The following MBD5 variants were observed in gnomAD, a reference collection of about 807,000 sequenced individuals.
The protein encoded by MBD5 is methyl-CpG binding domain protein 5.
MBD5 carries 13 observed loss-of-function variants against 117.3 expected under a neutral mutation model. The observed-to-expected ratio is 0.11, with a 90% CI of 0.07 to 0.18. The LOEUF (loss-of-function observed/expected upper bound fraction) is 0.18. Among genes scored for constraint, MBD5 ranks in the 10% least tolerant of loss-of-function variants. The pLI, the probability that MBD5 is intolerant of heterozygous loss-of-function variation, is 1.00. For missense variants in MBD5, 1,879 were observed against 2,093.8 expected (o/e 0.90, Z 2.00); for synonymous variants, 727 against 766.4 (o/e 0.95, Z 0.85).
At position 148,021,498 on chromosome 2, in the gene MBD5, A is replaced by ACTGCTGCTGCTGCTGCTGCTACTGCTG; in HGVS notation, c.-1097_-1096insGCTGCTACTGCTGCTGCTGCTGCTGCT. On this transcript the variant is annotated 5_prime_UTR_variant, in exon 1 of 14. Coordinates refer to ENST00000642680, the MANE Select transcript of MBD5 (RefSeq NM_001378120.1). The stretch of plus-strand genomic sequence containing the variant: ...TGCTGCTGTTGCTGCTGCTGCTGCT[A>ACTGCTGCTGCTGCTGCTGCTACTGCTG]CTGCTGCTGCTGCTACTGCTGCTGC... 1 of 569,670 alleles carries ACTGCTGCTGCTGCTGCTGCTACTGCTG rather than the reference A, an allele frequency of 1.8e-6. No individual in the cohort carries two copies. Among genetic ancestry groups the ACTGCTGCTGCTGCTGCTGCTACTGCTG allele is most frequent in the South Asian group, 1.5e-5 (1 of 65,442 alleles). 35.3% of individuals were successfully genotyped at this position (569,670 alleles called of 1,614,324 possible). A position where few individuals can be genotyped will look rare whatever the true frequency, so the allele number is the denominator to read the frequency against.
chr2:148,312,401 A>T (rs1161146558), intron 3 of MBD5, among the ~76,000 whole-genome samples: 1 of 151,794 alleles, frequency 6.6e-6, no homozygotes, highest in Non-Finnish European at 1.5e-5. Flanking sequence ...CATTAAGTTG[A>T]TCTTCAATCT....
At chr2:148,231,546 C>CTT (rs34002489) in intron 2 of MBD5, among the ~76,000 whole-genome samples, 6 of 151,618 alleles carry the variant, frequency 4.0e-5, no homozygotes, top group Non-Finnish European at 7.4e-5. Flanking sequence ...TATGAAGGTG[C>CTT]TTTTTTTTGT....
intron 3 of MBD5, among the ~76,000 whole-genome samples, chr2:148,309,288 G>A (rs756490223): frequency 1.8e-4 from 27 of 152,014 alleles, no homozygotes; most frequent in African/African-American, 6.0e-4. Flanking sequence ...ATCCATGAAC[G>A]TGGAATGCTT....
At chr2:148,397,496 A>G (rs1553510216) in intron 4 of MBD5, among the ~76,000 whole-genome samples, 2 of 151,570 alleles carry the variant, frequency 1.3e-5, no homozygotes, top group Non-Finnish European at 2.9e-5. Context: ...CGCCCGGCTA[A>G]TTTTTTTATT....
chr2:148,125,512 A>G (rs1321884786), intron 1 of MBD5, among the ~76,000 whole-genome samples: 2 of 152,228 alleles, frequency 1.3e-5, no homozygotes, highest in Admixed American at 1.3e-4. Context: ...AAATATGATC[A>G]TAACAAACAT....
chr2:148,070,141 T>C (rs1695311475), intron 1 of MBD5, among the ~76,000 whole-genome samples: 2 of 152,212 alleles, frequency 1.3e-5, no homozygotes, highest in South Asian at 4.1e-4. Context: ...ACTATCATTC[T>C]ACTCTCTACC....
chr2:148,315,769 C>T (rs997202036), intron 3 of MBD5, among the ~76,000 whole-genome samples: 2 of 152,108 alleles, frequency 1.3e-5, no homozygotes, highest in African/African-American at 4.8e-5. Flanking sequence ...TAATGTATAC[C>T]ACCCATGTAT....
At position 148,365,845 on chromosome 2, in the gene MBD5, C is replaced by T. The variant is rs200748015; in HGVS notation, c.-557+23509C>T. Among the ~76,000 whole-genome samples, 5 of 146,460 alleles carry T rather than the reference C, an allele frequency of 3.4e-5. No homozygotes were observed. In the East Asian group the frequency reaches 9.9e-4, roughly 29 times the overall value. On this transcript the variant is annotated intron_variant, in intron 4 of 13. Transcript: ENST00000642680. ...GTTGAGACAGTAATTAACACTCTAC[C>T]AAAAAAAAAACCCCAGACCAGATGG... is the stretch of plus-strand genomic sequence containing the variant.
rs746698199 is a variant in MBD5 at position 148,470,091 on chromosome 2, T to C, written c.2148T>C (p.Ser716=). ...TGAGTTGTCAAAGCTCTCACTTGAG[T>C]AGCAATAGTACCCCGGGTTGTGGGG... ...QSMSCQSSHL[S]SNSTPGCGAS... is the part of the protein sequence containing the mutation. Residue 716 remains serine (S), a synonymous_variant, in exon 8 of 14, where the codon AGT becomes AGC. Transcript: ENST00000642680. 4.2e-5 allele frequency: 68 copies of C among 1,613,748 alleles called. No homozygotes were observed. The highest frequency in any genetic ancestry group is 5.1e-5 in the Non-Finnish European group (60 of 1,179,900).
chr2:148,445,535 A>C (rs1310363828), intron 4 of MBD5, among the ~76,000 whole-genome samples: 2 of 151,300 alleles, frequency 1.3e-5, no homozygotes, highest in East Asian at 3.9e-4. Flanking sequence ...CCAGTCTATC[A>C]TTGTTGGACA....
chr2:148,244,490 T>G (rs1293109136), intron 3 of MBD5: 1 of 152,228 alleles, frequency 6.6e-6, no homozygotes, highest in Non-Finnish European at 1.5e-5. Context: ...GTTTTTTTAA[T>G]TAAGGAAATA....
intron 1 of MBD5, among the ~76,000 whole-genome samples, chr2:148,147,477 A>G (rs1697497554): frequency 1.3e-5 from 2 of 152,030 alleles, no homozygotes; most frequent in East Asian, 3.9e-4. Context: ...CCTGAGCTCA[A>G]GTGATCCCCA....
intron 3 of MBD5, among the ~76,000 whole-genome samples, chr2:148,249,433 A>C (rs1359179661): frequency 1.3e-5 from 2 of 152,162 alleles, no homozygotes; most frequent in Non-Finnish European, 2.9e-5. Flanking sequence ...AAATAATTAA[A>C]AGGAAAATTT....
chr2:148,497,181 A>C (rs1023341167), intron 11 of MBD5, among the ~76,000 whole-genome samples: 1 of 152,010 alleles, frequency 6.6e-6, no homozygotes, highest in Non-Finnish European at 1.5e-5. Context: ...CATATTACAT[A>C]TATTATTATT....
intron 1 of MBD5, among the ~76,000 whole-genome samples, chr2:148,120,061 C>T (rs1349334718): frequency 5.3e-5 from 8 of 152,018 alleles, no homozygotes; most frequent in Non-Finnish European, 1.0e-4. Flanking sequence ...GGACTACAGG[C>T]GCACGCCACC....
At chr2:148,059,445 A>T (rs1028262747) in intron 1 of MBD5, among the ~76,000 whole-genome samples, 1 of 152,240 alleles carries the variant, frequency 6.6e-6, no homozygotes, top group East Asian at 1.9e-4. Flanking sequence ...ACCTTAATGC[A>T]TTAGTTTATT....
chr2:148,081,174 A>G (rs1695638709), intron 1 of MBD5, among the ~76,000 whole-genome samples: 1 of 152,200 alleles, frequency 6.6e-6, no homozygotes, highest in Non-Finnish European at 1.5e-5. Context: ...TTAATGTAAA[A>G]GGGTCTAAAT....
chr2:148,045,824 G>C (rs1694509433), intron 1 of MBD5, among the ~76,000 whole-genome samples: 1 of 151,994 alleles, frequency 6.6e-6, no homozygotes, highest in African/African-American at 2.4e-5. Context: ...GTTAGAATTT[G>C]TATATAGCAA....
chr2:148,074,873 GTTC>G (rs1695464258), intron 1 of MBD5, among the ~76,000 whole-genome samples: 2 of 152,096 alleles, frequency 1.3e-5, no homozygotes, highest in Admixed American at 6.6e-5. Flanking sequence ...GAGGAATGCT[GTTC>G]TTCTCTTTCC....
Sources: gnomAD v4.1 joint callset for allele counts (sites outside exome capture counted in the v4.1 genomes callset) on GRCh38, gnomAD v4.1.1 for gene constraint, MANE v1.5 for transcripts, NCBI Gene and HGNC (gene_info 2026-07-23, HGNC 2026-07-21) for gene names.